Variants in LUZP2 observed in about 807,000 individuals in gnomAD.
LUZP2 encodes leucine zipper protein 2.
Under a neutral mutation model 51.6 loss-of-function variants are expected in LUZP2, and 52 were observed. That is an observed-to-expected ratio of 1.01 (90% CI 0.81 to 1.27). LUZP2 has a LOEUF of 1.27. Ranked by LOEUF, LUZP2 falls within the 50% of genes most tolerant of loss-of-function variation. The pLI is 0.00. For synonymous variants in LUZP2, 154 were observed against 137.3 expected (o/e 1.12, Z -0.85); for missense variants, 436 against 395.4 (o/e 1.10, Z -0.87).
intron 9 of LUZP2, among the ~76,000 whole-genome samples, chr11:25,014,288 T>C (rs756463561): frequency 3.9e-5 from 6 of 152,222 alleles, no homozygotes; most frequent in East Asian, 1.9e-4. Context: ...CTGAGTCAAA[T>C]GCTATTTCTA....
intron 1 of LUZP2, among the ~76,000 whole-genome samples, chr11:24,501,228 A>T (rs1352722499): frequency 6.6e-6 from 1 of 152,244 alleles, no homozygotes; most frequent in Non-Finnish European, 1.5e-5. Context: ...AAATATTTTG[A>T]CTTCTTACAT....
At chr11:24,762,008 A>G (rs530090438) in intron 4 of LUZP2, among the ~76,000 whole-genome samples, 56 of 151,988 alleles carry the variant, frequency 3.7e-4, no homozygotes, top group Non-Finnish European at 6.8e-4. Context: ...AAATAATAAT[A>G]TATTACTTAT....
rs927900162 is a variant in LUZP2 at position 24,535,382 on chromosome 11, A to G, written c.62+38077A>G. On this transcript the variant is annotated intron_variant, in intron 1 of 11. Coordinates refer to ENST00000336930, the MANE Select transcript of LUZP2 (RefSeq NM_001009909.4). ...AATACTATTTTATAGCATTATACCC[A>G]TAGTAAAGCCTCTTTCAAAATTGGA... is the stretch of plus-strand genomic sequence containing the variant. Among the ~76,000 whole-genome samples, 15 of 151,620 alleles carry G rather than the reference A, an allele frequency of 9.9e-5. No individual in the cohort carries two copies. In the Admixed American group the frequency reaches 9.9e-4, roughly 10 times the overall value.
chr11:24,516,137 C>G (rs11027968), intron 1 of LUZP2, among the ~76,000 whole-genome samples: 20,961 of 151,864 alleles, frequency 0.14, 2,429 homozygotes, highest in African/African-American at 0.32. Context: ...GGAAAATAAT[C>G]AATCTCGAAG....
chr11:24,983,052 G>A, intron 8 of LUZP2, 74 bp from the exon 9 acceptor site: 1 of 1,463,768 alleles, frequency 6.8e-7, no homozygotes. Flanking sequence ...TAGGCTAAGA[G>A]GAAAGGGAGA....
At chr11:24,595,533 C>T (rs1479692939) in intron 1 of LUZP2, among the ~76,000 whole-genome samples, 1 of 152,132 alleles carries the variant, frequency 6.6e-6, no homozygotes, top group Non-Finnish European at 1.5e-5. Flanking sequence ...ACATCAAAAC[C>T]AAAGTGCACC....
chr11:24,967,464 T>A (rs559462395), intron 7 of LUZP2, among the ~76,000 whole-genome samples: 7 of 152,086 alleles, frequency 4.6e-5, no homozygotes, highest in African/African-American at 1.4e-4. Flanking sequence ...TCTGAATGCA[T>A]TTTTTCTCTT....
At chr11:24,803,811 T>G (rs1849767545) in intron 5 of LUZP2, among the ~76,000 whole-genome samples, 1 of 152,062 alleles carries the variant, frequency 6.6e-6, no homozygotes, top group African/African-American at 2.4e-5. Flanking sequence ...GCATAGTGTA[T>G]GGTAACTTAT....
chr11:24,768,627 A>C (rs1860284078), intron 5 of LUZP2, among the ~76,000 whole-genome samples: 1 of 152,212 alleles, frequency 6.6e-6, no homozygotes, highest in African/African-American at 2.4e-5. Flanking sequence ...AAGATTTACA[A>C]ATGCCCAAAA....
intron 7 of LUZP2, among the ~76,000 whole-genome samples, chr11:24,920,704 A>T (rs79007568): frequency 6.6e-6 from 1 of 151,842 alleles, no homozygotes; most frequent in Non-Finnish European, 1.5e-5. Context: ...AAAAAAAAAA[A>T]CCTGCATGTT....
At chr11:24,736,958 A>G (rs1858965779) in intron 3 of LUZP2, among the ~76,000 whole-genome samples, 1 of 152,058 alleles carries the variant, frequency 6.6e-6, no homozygotes, top group South Asian at 2.1e-4. Flanking sequence ...AAATGATTAC[A>G]AAAAACAGAC....
chr11:24,508,506 G>GT (rs1442172299), intron 1 of LUZP2, among the ~76,000 whole-genome samples: 1 of 152,042 alleles, frequency 6.6e-6, no homozygotes. Flanking sequence ...TGTGGAGGCT[G>GT]TTTTTTAAAA....
intron 5 of LUZP2, among the ~76,000 whole-genome samples, chr11:24,893,949 A>G (rs556345655): frequency 6.6e-6 from 1 of 152,262 alleles, no homozygotes; most frequent in Non-Finnish European, 1.5e-5. Context: ...TTTGGTAGCT[A>G]TATAATTTTG....
chr11:24,914,548 T>G lies in LUZP2; in HGVS notation c.522+10T>G. 6.4e-7 allele frequency: 1 copy of G among 1,571,946 alleles called. No individual in the cohort carries two copies. The highest frequency in any genetic ancestry group is 8.7e-7 in the Non-Finnish European group (1 of 1,154,490). On this transcript the variant is annotated intron_variant, in intron 7 of 11. Transcript: ENST00000336930. ...GGATTTATTATTTAAGGTGAGTCTC[T>G]TTTCTCTCTTTTCCCTGAAACTTGC...
In LUZP2 at chr11:24,641,209, C is replaced by T. The variant is rs529402728; in HGVS notation, c.63-87960C>T. Among the ~76,000 whole-genome samples, 108 of 151,590 alleles carry T rather than the reference C, an allele frequency of 7.1e-4. 3 individuals are homozygous for T. The highest frequency in any genetic ancestry group is 2.5e-3 in the African/African-American group (103 of 41,026). ...AGATTACAGACATGAGCCATCTTAC[C>T]CTGCCAACGTTTTCTAATTAGATTT... is the stretch of plus-strand genomic sequence containing the variant. On this transcript the variant is annotated intron_variant, in intron 1 of 11. Transcript: ENST00000336930.
At chr11:24,606,482 T>C (rs73433035) in intron 1 of LUZP2, among the ~76,000 whole-genome samples, 3,816 of 152,146 alleles carry the variant, frequency 0.025, 166 homozygotes, top group African/African-American at 0.088. Context: ...TGTAGGTGTG[T>C]GTGTCTATAC....
rs918764563 is a variant in LUZP2, at chr11:24,983,039, G to A, written c.598-87G>A. On this transcript the variant is annotated intron_variant, in intron 8 of 11. Coordinates refer to ENST00000336930, the MANE Select transcript of LUZP2 (RefSeq NM_001009909.4). ...AAAGTGATATGTATTTTTGTGGGGA[G>A]TATAGGCTAAGAGGAAAGGGAGAAT... The A allele has an allele frequency of 2.7e-5, 35 of 1,315,276 alleles. No homozygotes were observed. In the African/African-American group the frequency reaches 4.3e-4, roughly 16 times the overall value. The allele number at this position is 1,315,276 out of a possible 1,614,324, so 81.5% of individuals were successfully genotyped here.
intron 9 of LUZP2, among the ~76,000 whole-genome samples, chr11:25,038,021 T>C (rs895409): frequency 0.95 from 144,390 of 151,954 alleles, 68,825 homozygotes; most frequent in East Asian, 1. Context: ...GCAAAATTAG[T>C]GAAATTTTCA....
chr11:24,891,958 C>A, intron 5 of LUZP2: 6 of 985,612 alleles, frequency 6.1e-6, no homozygotes, highest in Non-Finnish European at 6.0e-6. Flanking sequence ...CTTTGATTAT[C>A]AGCAGGGTGT....
Sources: allele counts gnomAD v4.1 joint callset (sites outside exome capture counted in the v4.1 genomes callset), GRCh38; gene constraint gnomAD v4.1.1; transcripts MANE v1.5; gene names NCBI Gene and HGNC (gene_info 2026-07-23, HGNC 2026-07-21).